NBPF14: variants seen among roughly 807,000 people sequenced by gnomAD.
NBPF14 encodes NBPF family member NBPF14.
A neutral mutation model predicts 91.2 loss-of-function variants in NBPF14; 104 were observed. The observed-to-expected ratio is 1.14, with a 90% confidence interval of 0.97 to 1.34. NBPF14 has a LOEUF of 1.34. NBPF14 is among the 40% of genes most tolerant of loss of function. The pLI is 0.00. For synonymous variants in NBPF14, 294 were observed against 303.8 expected (o/e 0.97, Z 0.34); for missense variants, 908 against 783.0 (o/e 1.16, Z -1.91).
At chr1:148,559,341 T>C (rs1482930408) in intron 37 of NBPF14, among the ~76,000 whole-genome samples, 2 of 128,098 alleles carry the variant, frequency 1.6e-5, no homozygotes, top group African/African-American at 4.0e-5. Flanking sequence ...TTATGCCATA[T>C]TTTTCCAATC....
chr1:148,591,224 C>T (rs1224948094), intron 5 of NBPF14, among the ~76,000 whole-genome samples: 6 of 148,196 alleles, frequency 4.0e-5, no homozygotes, highest in African/African-American at 1.2e-4. Context: ...GAAGACTCAG[C>T]TATCCCTGTA....
At chr1:148,568,926 A>T (rs1658784069) in intron 25 of NBPF14, among the ~76,000 whole-genome samples, 1 of 147,216 alleles carries the variant, frequency 6.8e-6, no homozygotes, top group Non-Finnish European at 1.5e-5. Context: ...CGCTGAAATT[A>T]GAGTGAAGGA....
At position 148,587,261 on chromosome 1, in the gene NBPF14, C is replaced by T. The variant is rs1449614906; in HGVS notation, c.1091+40G>A. ...TGAGCTGCTGTACTTCAGAGATTTA[C>T]ACACCTGCCCCCCTGCCTGCCCCCA... is the stretch of plus-strand genomic sequence containing the variant. On this transcript the variant is annotated intron_variant, in intron 8 of 70. Transcript: ENST00000619423. 8 of 1,502,138 alleles carry T rather than the reference C, an allele frequency of 5.3e-6. No homozygotes were observed. The East Asian group carries it at 1.3e-4, about 25-fold the overall frequency. The allele number at this position is 1,502,138 out of a possible 1,614,324, so 93.1% of individuals were successfully genotyped here.
chr1:148,587,257 T>A lies in NBPF14; in HGVS notation c.1091+44A>T. ...CCACTGAGCTGCTGTACTTCAGAGATTTACACACCTGCCCCCCTGCCTGCC... is the reference window on the plus strand; with the variant it reads ...CCACTGAGCTGCTGTACTTCAGAGAATTACACACCTGCCCCCCTGCCTGCC... On this transcript the variant is annotated intron_variant, in intron 8 of 70. Coordinates refer to ENST00000619423, the Ensembl canonical transcript of NBPF14. The A allele has an allele frequency of 3.4e-6, 5 of 1,489,944 alleles. 1 individual carries two copies. The highest frequency in any genetic ancestry group is 4.7e-6 in the Non-Finnish European group (5 of 1,074,408). 92.3% of individuals were successfully genotyped at this position (1,489,944 alleles called of 1,614,324 possible).
Position 148,566,193 on chromosome 1 carries a change from G to T in NBPF14, c.3665C>A (p.Ser1222Tyr). 2.3e-5 allele frequency: 13 copies of T among 558,396 alleles called. 1 individual carries two copies. The highest frequency in any genetic ancestry group is 3.4e-5 in the Non-Finnish European group (11 of 320,078). The allele number at this position is 558,396 out of a possible 1,614,324, so 34.6% of individuals were successfully genotyped here. A position where few individuals can be genotyped will look rare whatever the true frequency, so the allele number is the denominator to read the frequency against. ...ATGTTTTTCCTCCAATGCATAAAAGGAACTTCCATAGGGCTGGCAGGAGTC... is the reference window on the plus strand; with the variant it reads ...ATGTTTTTCCTCCAATGCATAAAAGTAACTTCCATAGGGCTGGCAGGAGTC... Residue 1222 changes from serine to tyrosine, a missense_variant, in exon 29 of 71, where the codon TCC becomes TAC. By Grantham distance (144) the Ser-to-Tyr change is moderately radical (BLOSUM62 -2). Around this residue, in one of 13 missense-constraint regions of NBPF14, gnomAD observed 447 missense variants for 189.1 expected, o/e 2.36. Transcript: ENST00000619423.
chr1:148,533,352 A>G, intron 70 of NBPF14, 104 bp from the exon 71 acceptor site: 1 of 524,548 alleles, frequency 1.9e-6, no homozygotes, highest in Non-Finnish European at 3.3e-6. Context: ...AGAAAAGAAA[A>G]AGGATAGAAC....
chr1:148,549,958 GC>G (rs1382291023), intron 49 of NBPF14, among the ~76,000 whole-genome samples: 2 of 82,646 alleles, frequency 2.4e-5, no homozygotes, highest in African/African-American at 2.5e-4. Context: ...CCAAATGGCT[GC>G]TAAGAGAAAA....
Position 148,556,834 on chromosome 1 carries a change from C to CCT in NBPF14, c.5034_5035insAG (p.Glu1679ArgfsTer117). 9.1e-6 allele frequency: 2 copies of CCT among 219,116 alleles called. No individual in the cohort carries two copies. The highest frequency in any genetic ancestry group is 1.5e-5 in the Non-Finnish European group (2 of 137,014). 13.6% of individuals were successfully genotyped at this position (219,116 alleles called of 1,614,324 possible). A position where few individuals can be genotyped will look rare whatever the true frequency, so the allele number is the denominator to read the frequency against. ...AGTGAGTCCTGCAAGACTTCAGGCTCTACTACCTCCAGCAGCTCCCTGCTG... is the reference window on the plus strand; with the variant it reads ...AGTGAGTCCTGCAAGACTTCAGGCTCCTTACTACCTCCAGCAGCTCCCTGCTG... On this transcript the variant is annotated frameshift_variant, in exon 41 of 71. Transcript: ENST00000619423. LOFTEE classifies it high-confidence loss of function.
chr1:148,538,033 TA>T, intron 64 of NBPF14, 27 bp from the exon 65 acceptor site: 2 of 224,322 alleles, frequency 8.9e-6, no homozygotes, highest in Non-Finnish European at 7.7e-6. Flanking sequence ...AAGTAAAGAA[TA>T]AGCCAGGGGA....
intron 68 of NBPF14, among the ~76,000 whole-genome samples, 186 bp downstream of exon 68, chr1:148,535,267 G>C (rs1243350332): frequency 2.7e-5 from 4 of 150,466 alleles, no homozygotes; most frequent in African/African-American, 7.4e-5. Flanking sequence ...CAGTAAGTGA[G>C]TAAATGATAA....
intron 70 of NBPF14, among the ~76,000 whole-genome samples, chr1:148,533,516 G>C (rs1400027634): frequency 6.6e-6 from 1 of 151,346 alleles, no homozygotes; most frequent in African/African-American, 2.4e-5. Context: ...ATACTGGTAA[G>C]GGAGTCAAAG....
At chr1:148,534,998 T>A (rs1654800631) in intron 68 of NBPF14, 142 bp from the exon 69 acceptor site, 5 of 710,382 alleles carry the variant, frequency 7.0e-6, no homozygotes, top group East Asian at 5.3e-5. Context: ...TTATTGCCTT[T>A]ATGTTGGGAT....
rs1318815427 is a variant in NBPF14 at position 148,566,455 on chromosome 1, C to A, written c.3543-140G>T. 3 of 597,050 alleles carry A rather than the reference C, an allele frequency of 5.0e-6. 1 individual carries two copies. Among genetic ancestry groups the A allele is most frequent in the Non-Finnish European group, 8.9e-6 (3 of 338,700 alleles). 37.0% of individuals were successfully genotyped at this position (597,050 alleles called of 1,614,324 possible). A position where few individuals can be genotyped will look rare whatever the true frequency, so the allele number is the denominator to read the frequency against. On this transcript the variant is annotated intron_variant, in intron 28 of 70. Transcript: ENST00000619423. ...CATTAATGAGGTAACAAATTGTTGC[C>A]TTCATGTTGGGACAGAACAGGGCCA...
chr1:148,572,693 A>T lies in NBPF14; in HGVS notation c.2586-78T>A, dbSNP rs1306973479. On this transcript the variant is annotated intron_variant, in intron 20 of 70. Coordinates refer to ENST00000619423, the Ensembl canonical transcript of NBPF14. ...CAGCCCCAGCTAGATTTCATGGCTA[A>T]CGTAAGGAAGAGTTTGAAAAGAAAA... 1.9e-5 allele frequency: 13 copies of T among 685,138 alleles called. 1 individual carries two copies. Among genetic ancestry groups the T allele is most frequent in the Non-Finnish European group, 2.9e-5 (11 of 385,792 alleles). The allele number at this position is 685,138 out of a possible 1,614,324, so 42.4% of individuals were successfully genotyped here.
At chr1:148,590,698 CAG>C (rs1462001855) in intron 6 of NBPF14, 57 bp downstream of exon 6, 1 of 437,752 alleles carries the variant, frequency 2.3e-6, no homozygotes, top group East Asian at 3.3e-5. Flanking sequence ...AGCCTGTCCT[CAG>C]AATTGATCTT....
At chr1:148,560,502 A>G (rs1657671362) in intron 36 of NBPF14, 82 bp downstream of exon 36, 7 of 255,830 alleles carry the variant, frequency 2.7e-5, no homozygotes, top group Non-Finnish European at 4.5e-5. Context: ...AAAACATGTC[A>G]TCAAACACAC....
exon 37 of NBPF14, chr1:148,559,951 A>C: frequency 2.2e-6 from 3 of 1,376,788 alleles, no homozygotes; most frequent in East Asian, 5.0e-5. Context: ...CTCATGCAGC[A>C]GCTCCCTGCT....
At position 148,559,789 on chromosome 1, in the gene NBPF14, T is replaced by A; in HGVS notation, c.4729+4A>T. On this transcript the variant is annotated splice_donor_region_variant and intron_variant, in intron 37 of 70. Transcript: ENST00000619423. ...CCTTATCACCTTCATAGAAAGGTAC[T>A]CACCATCCATGTCAACAGCCAAGCC... The A allele has an allele frequency of 3.4e-6, 5 of 1,484,452 alleles. No individual in the cohort carries two copies. The highest frequency in any genetic ancestry group is 3.6e-6 in the Non-Finnish European group (4 of 1,103,334). 92.0% of individuals were successfully genotyped at this position (1,484,452 alleles called of 1,614,324 possible). A position where few individuals can be genotyped will look rare whatever the true frequency, so the allele number is the denominator to read the frequency against.
At chr1:148,566,974 C>T in exon 28 of NBPF14, 3 of 271,488 alleles carry the variant, frequency 1.1e-5, no homozygotes, top group South Asian at 4.7e-5. Flanking sequence ...GGGTCTTGGT[C>T]TTCTTCCTCT....
Sources: gnomAD v4.1 joint callset for allele counts (sites outside exome capture counted in the v4.1 genomes callset) on GRCh38, gnomAD v4.1.1 for gene constraint, gnomAD v4.1.1 regional missense constraint, MANE v1.5 for transcripts, NCBI Gene and HGNC (gene_info 2026-07-23, HGNC 2026-07-21) for gene names.